The following PRKN variants were observed in gnomAD, a reference collection of about 807,000 sequenced individuals.
PRKN encodes the protein E3 ubiquitin-protein ligase parkin.
PRKN carries 56 observed loss-of-function variants against 59.5 expected under a neutral mutation model. The ratio of observed to expected loss-of-function variants is 0.94; its 90% confidence interval spans 0.76 to 1.18. The LOEUF is 1.18. Among genes scored for constraint, PRKN ranks in the 50% most tolerant of loss-of-function variants. The pLI, the probability that PRKN is intolerant of heterozygous loss-of-function variation, is 0.00. For synonymous variants in PRKN, 250 were observed against 222.1 expected (o/e 1.13, Z -1.12); for missense variants, 657 against 596.4 (o/e 1.10, Z -1.06).
intron 9 of PRKN, among the ~76,000 whole-genome samples, chr6:161,507,859 C>T (rs1370264696): frequency 2.6e-5 from 4 of 152,138 alleles, no homozygotes; most frequent in Non-Finnish European, 5.9e-5. Flanking sequence ...CAAGTAAGCT[C>T]GTTGACTTAC....
chr6:162,463,230 T>C (rs181307729), intron 1 of PRKN, among the ~76,000 whole-genome samples: 24 of 152,276 alleles, frequency 1.6e-4, no homozygotes, highest in Non-Finnish European at 2.6e-4. Flanking sequence ...TCCTAACCTA[T>C]TGCAAATGAT....
intron 1 of PRKN, among the ~76,000 whole-genome samples, chr6:162,613,517 G>C (rs1006851997): frequency 6.6e-6 from 1 of 152,216 alleles, no homozygotes; most frequent in Middle Eastern, 3.4e-3. Context: ...GTTGTTTAAC[G>C]GTGAGCTGCC....
chr6:161,437,068 A>G (rs776622666), intron 9 of PRKN, among the ~76,000 whole-genome samples: 52 of 152,088 alleles, frequency 3.4e-4, no homozygotes, highest in Non-Finnish European at 7.4e-5. Flanking sequence ...GACCCTATAT[A>G]TGCTGTTTTT....
chr6:162,237,209 G>C (rs562726759), intron 3 of PRKN, among the ~76,000 whole-genome samples: 11 of 151,954 alleles, frequency 7.2e-5, no homozygotes, highest in African/African-American at 2.7e-4. Context: ...TTATGACTTG[G>C]AAAGATAAAT....
chr6:162,226,937 C>T (rs997428981), intron 3 of PRKN, among the ~76,000 whole-genome samples: 1 of 152,182 alleles, frequency 6.6e-6, no homozygotes, highest in African/African-American at 2.4e-5. Flanking sequence ...TGAGGAAATC[C>T]TAATCCTGAG....
rs1312907981 is a variant in PRKN, at chr6:161,349,106, G to C, written c.*993C>G. 1 of 222,578 alleles carries C rather than the reference G, an allele frequency of 4.5e-6. No individual in the cohort carries two copies. The highest frequency in any genetic ancestry group is 9.0e-6 in the Non-Finnish European group (1 of 111,492). The allele number at this position is 222,578 out of a possible 1,614,324, so 13.8% of individuals were successfully genotyped here. A position where few individuals can be genotyped will look rare whatever the true frequency, so the allele number is the denominator to read the frequency against. ...GCGTGTCTTCATTTTGGTAGTTCTG[G>C]AAAGGCTCCTCTTTAAAGATTCTGA... On this transcript the variant is annotated 3_prime_UTR_variant, in exon 12 of 12. Coordinates refer to ENST00000366898, the MANE Select transcript of PRKN (RefSeq NM_004562.3). This position sits in a 1 kb window ranked among gnomAD's most constrained non-coding sequence, Gnocchi z 5.5.
At chr6:162,209,420 G>A (rs918019290) in intron 3 of PRKN, among the ~76,000 whole-genome samples, 6 of 152,174 alleles carry the variant, frequency 3.9e-5, no homozygotes, top group Non-Finnish European at 1.5e-5. Flanking sequence ...TCTCATGCCA[G>A]ATAGAATGGC....
intron 1 of PRKN, among the ~76,000 whole-genome samples, chr6:162,521,662 A>G (rs1265823768): frequency 6.6e-6 from 1 of 152,110 alleles, no homozygotes; most frequent in African/African-American, 2.4e-5. Context: ...AGCATATTAT[A>G]TATGTGTGTA....
chr6:161,705,806 C>T (rs1258986242), intron 7 of PRKN, among the ~76,000 whole-genome samples: 1 of 152,164 alleles, frequency 6.6e-6, no homozygotes, highest in Non-Finnish European at 1.5e-5. Flanking sequence ...CATTCTCATT[C>T]TCTGCATTTC....
chr6:161,759,172 TAA>T (rs56049781), intron 7 of PRKN, among the ~76,000 whole-genome samples: 80,289 of 148,034 alleles, frequency 0.54, 21,552 homozygotes, highest in East Asian at 0.56. Flanking sequence ...TGAGACTGTT[TAA>T]AAAAAAAAAA....
intron 1 of PRKN, chr6:162,624,680 G>A (rs955636324): frequency 6.6e-6 from 1 of 152,102 alleles, no homozygotes; most frequent in African/African-American, 2.4e-5. Flanking sequence ...ACACACCAGC[G>A]GTAGAGAAAA....
intron 7 of PRKN, among the ~76,000 whole-genome samples, chr6:161,604,209 G>T (rs1366971827): frequency 1.3e-5 from 2 of 151,848 alleles, no homozygotes; most frequent in African/African-American, 4.8e-5. Flanking sequence ...TTTTTCCAGG[G>T]TTGAACCTTA....
chr6:162,063,518 C>T (rs1359055913), intron 4 of PRKN, among the ~76,000 whole-genome samples: 1 of 152,030 alleles, frequency 6.6e-6, no homozygotes, highest in African/African-American at 2.4e-5. Flanking sequence ...AAATATAAAA[C>T]AACCACTTTG....
At position 161,437,447 on chromosome 6, in the gene PRKN, T is replaced by C. The variant is rs77864409; in HGVS notation, c.1084-50570A>G. ...GAGCTGGTATTTTCCATTTAATATC[T>C]TCGGGCCTCGGTTGACTGTGAGTAC... On this transcript the variant is annotated intron_variant, in intron 9 of 11. Coordinates refer to ENST00000366898, the MANE Select transcript of PRKN (RefSeq NM_004562.3). 7.9e-3 allele frequency among the ~76,000 whole-genome samples: 1,208 copies of C among 152,278 alleles called. 14 individuals are homozygous for C. Among genetic ancestry groups the C allele is most frequent in the East Asian group, 0.061 (317 of 5,180 alleles).
At chr6:162,694,128 T>C (rs540160391) in intron 1 of PRKN, among the ~76,000 whole-genome samples, 80 of 148,982 alleles carry the variant, frequency 5.4e-4, no homozygotes, top group Non-Finnish European at 9.8e-4. Context: ...GCACCTGTAG[T>C]CCCAGCTATT....
chr6:161,506,693 G>A (rs925112017), intron 9 of PRKN, among the ~76,000 whole-genome samples: 1 of 152,060 alleles, frequency 6.6e-6, no homozygotes, highest in African/African-American at 2.4e-5. Flanking sequence ...GGACCTAACT[G>A]GGCTTATTGA....
intron 1 of PRKN, among the ~76,000 whole-genome samples, chr6:162,607,537 A>C (rs1213492043): frequency 6.7e-6 from 1 of 148,170 alleles, no homozygotes; most frequent in Non-Finnish European, 1.5e-5. Context: ...AGAGAAATTA[A>C]ATGAGTTTTT....
At chr6:162,213,286 T>C (rs1777476776) in intron 3 of PRKN, among the ~76,000 whole-genome samples, 1 of 152,136 alleles carries the variant, frequency 6.6e-6, no homozygotes, top group African/African-American at 2.4e-5. Context: ...TCAACACTAG[T>C]AGTTTGTGAG....
At chr6:161,789,489 G>T (rs1293027247) in intron 6 of PRKN, among the ~76,000 whole-genome samples, 1 of 152,088 alleles carries the variant, frequency 6.6e-6, no homozygotes, top group Non-Finnish European at 1.5e-5. Context: ...CTAGTCTCAC[G>T]GTAATACTCA....
Sources: gnomAD v4.1 joint callset for allele counts (sites outside exome capture counted in the v4.1 genomes callset) on GRCh38, gnomAD v4.1.1 for gene constraint, Gnocchi (gnomAD v3.1) non-coding constraint, MANE v1.5 for transcripts, NCBI Gene and HGNC (gene_info 2026-07-23, HGNC 2026-07-21) for gene names.